Variants in SLC2A14 observed in about 807,000 individuals in gnomAD.
The protein encoded by SLC2A14 is solute carrier family 2, facilitated glucose transporter member 14.
SLC2A14 carries 13 observed loss-of-function variants against 43.0 expected under a neutral mutation model. The ratio of observed to expected loss-of-function variants is 0.30; its 90% CI spans 0.20 to 0.48. The LOEUF (loss-of-function observed/expected upper bound fraction) is 0.48, where lower values mean the gene tolerates loss of function less well. Ranked by LOEUF, SLC2A14 falls within the 20% of genes least tolerant of loss-of-function variation. The pLI, the probability that SLC2A14 is intolerant of heterozygous loss-of-function variation, is 0.99. For missense variants in SLC2A14, 428 were observed against 620.4 expected, an observed-to-expected ratio of 0.69 and a Z score of 3.29; for synonymous variants, 190 against 233.8, an observed-to-expected ratio of 0.81 and a Z score of 1.71.
chr12:7,830,059 C>T, intron 4 of SLC2A14, 53 bp from the exon 5 acceptor site: 4 of 1,608,062 alleles, frequency 2.5e-6, no homozygotes, highest in Non-Finnish European at 3.4e-6. Flanking sequence ...AGGCTCCTAA[C>T]TTCTCCTCTT....
intron 1 of SLC2A14, chr12:7,890,933 T>C: frequency 6.7e-7 from 1 of 1,484,460 alleles, no homozygotes; most frequent in Non-Finnish European, 9.0e-7. Flanking sequence ...TTCCCTTTTT[T>C]AAAGAAATCA....
At chr12:7,867,515 T>G (rs1473011990) in intron 2 of SLC2A14, among the ~76,000 whole-genome samples, 1 of 151,802 alleles carries the variant, frequency 6.6e-6, no homozygotes, top group Non-Finnish European at 1.5e-5. Context: ...TAAGAAAACT[T>G]GAATGGATGA....
intron 2 of SLC2A14, among the ~76,000 whole-genome samples, chr12:7,846,819 A>G (rs976769037): frequency 6.6e-5 from 10 of 151,338 alleles, no homozygotes; most frequent in Non-Finnish European, 2.9e-5. Context: ...TTTTTAGTAG[A>G]GACAGGGTTT....
chr12:7,856,927 T>C (rs1053597239), intron 2 of SLC2A14, among the ~76,000 whole-genome samples: 28 of 152,022 alleles, frequency 1.8e-4, no homozygotes, highest in Admixed American at 1.4e-3. Context: ...AAACAAACCC[T>C]AATTTCCAGA....
rs781120174 is a variant in SLC2A14, at chr12:7,814,372, C to T, written c.1438G>A (p.Gly480Ser). 17 of 1,611,038 alleles carry T rather than the reference C, an allele frequency of 1.1e-5. No homozygotes were observed. In the East Asian group the frequency reaches 1.1e-4, roughly 11 times the overall value. The change falls in exon 11 of 11, where the codon GGC (glycine) becomes AGC (serine). Residue 480 changes from glycine to serine, a missense_variant. Transcript: ENST00000431042. ...TCGATGCTGTTCATCCCCATGACGC[C>T]GTCCTTCCCAGATCTATCTGCACCG... is the stretch of plus-strand genomic sequence containing the variant. ...AHGADRSGKD[G>S]VMGMNSIEPA...
chr12:7,851,164 T>C (rs1866912681), intron 2 of SLC2A14, among the ~76,000 whole-genome samples: 1 of 152,160 alleles, frequency 6.6e-6, no homozygotes, highest in Non-Finnish European at 1.5e-5. Flanking sequence ...CAGACTACGC[T>C]ACAGACTGTG....
At chr12:7,887,542 T>C (rs905015302) in intron 1 of SLC2A14, among the ~76,000 whole-genome samples, 1 of 151,182 alleles carries the variant, frequency 6.6e-6, no homozygotes, top group African/African-American at 2.4e-5. Context: ...ATTCTAGTGA[T>C]AGTAGGTAGA....
chr12:7,864,225 C>G (rs1302968146), intron 2 of SLC2A14, among the ~76,000 whole-genome samples: 3 of 152,072 alleles, frequency 2.0e-5, no homozygotes, highest in Non-Finnish European at 4.4e-5. Context: ...CTGAATGTAG[C>G]CTATCTTTTC....
At chr12:7,874,851 AT>A (rs1945406709), upstream of SLC2A14, among the ~76,000 whole-genome samples, 1 of 97,862 alleles carries the variant, frequency 1.0e-5, no homozygotes, top group African/African-American at 3.5e-5. Context: ...GTATTTATAT[AT>A]AAATTATATA....
chr12:7,878,753 C>T (rs1374301974), intron 1 of SLC2A14, among the ~76,000 whole-genome samples: 12 of 151,616 alleles, frequency 7.9e-5, no homozygotes, highest in South Asian at 4.2e-4. Context: ...CCAAGGTGGG[C>T]GGATCACGAG....
chr12:7,834,469 A>G (rs1046046897), intron 2 of SLC2A14, among the ~76,000 whole-genome samples: 3 of 150,192 alleles, frequency 2.0e-5, no homozygotes, highest in African/African-American at 7.4e-5. Context: ...CAGAAGGATC[A>G]CTTGAGCCTA....
chr12:7,827,103 T>TCTC (rs1864556446), intron 7 of SLC2A14, among the ~76,000 whole-genome samples: 1 of 115,332 alleles, frequency 8.7e-6, no homozygotes. Flanking sequence ...TTCTCTTTCT[T>TCTC]TCTTTCTTTC....
chr12:7,882,132 C>T (rs1945589189), intron 1 of SLC2A14, among the ~76,000 whole-genome samples: 1 of 152,054 alleles, frequency 6.6e-6, no homozygotes, highest in African/African-American at 2.4e-5. Flanking sequence ...TGTTGCTGCT[C>T]AGTTTTTGGG....
At chr12:7,863,308 G>A (rs1944704802) in intron 2 of SLC2A14, 5 of 444,612 alleles carry the variant, frequency 1.1e-5, no homozygotes, top group Non-Finnish European at 2.2e-5. Context: ...CACTCCGAAC[G>A]CATCTGAACA....
chr12:7,827,049 CTCTCTCTCTTTCTT>C (rs1864532594), intron 7 of SLC2A14, among the ~76,000 whole-genome samples: 1 of 135,486 alleles, frequency 7.4e-6, no homozygotes, highest in Non-Finnish European at 1.6e-5. Context: ...TCTCCTTTCT[CTCTCTCTCTTTCTT>C]TCTCTCTCTC....
intron 1 of SLC2A14, among the ~76,000 whole-genome samples, chr12:7,890,211 C>G (rs1945751625): frequency 6.6e-6 from 1 of 152,074 alleles, no homozygotes; most frequent in Admixed American, 6.6e-5. Context: ...GTTCACACAG[C>G]TCTGATAGTA....
chr12:7,827,944 C>G (rs770740960), intron 6 of SLC2A14, among the ~76,000 whole-genome samples: 1 of 152,234 alleles, frequency 6.6e-6, no homozygotes, highest in Non-Finnish European at 1.5e-5. Flanking sequence ...TTGAGACCAG[C>G]CTGGCCAACA....
At chr12:7,870,724 T>C (rs190326523) in intron 1 of SLC2A14, 1 of 434,758 alleles carries the variant, frequency 2.3e-6, no homozygotes, top group Non-Finnish European at 3.3e-6. Context: ...AAAAAACAAA[T>C]AAAGTCAAAC....
intron 1 of SLC2A14, among the ~76,000 whole-genome samples, chr12:7,882,233 A>G (rs1053702562): frequency 2.0e-5 from 3 of 150,762 alleles, no homozygotes; most frequent in African/African-American, 7.4e-5. Context: ...ACCGGGAGAA[A>G]CGAACGATTC....
Sources: gnomAD v4.1 joint callset for allele counts (sites outside exome capture counted in the v4.1 genomes callset) on GRCh38, gnomAD v4.1.1 for gene constraint, MANE v1.5 for transcripts, NCBI Gene and HGNC (gene_info 2026-07-23, HGNC 2026-07-21) for gene names.